The following ITIH6 variants were observed in gnomAD, a reference collection of about 807,000 sequenced individuals.
The protein encoded by ITIH6 is inter-alpha-trypsin inhibitor heavy chain H6.
Under a neutral mutation model 58.2 loss-of-function variants are expected in ITIH6, and 60 were observed. The observed-to-expected ratio is 1.03, with a 90% CI of 0.84 to 1.28. The LOEUF (loss-of-function observed/expected upper bound fraction) is 1.28. Among genes scored for constraint, ITIH6 ranks in the 50% most tolerant of loss-of-function variants. The pLI, the probability that ITIH6 is intolerant of heterozygous loss-of-function variation, is 0.00. For synonymous variants in ITIH6, 493 were observed against 417.4 expected (o/e 1.18, Z -2.21); for missense variants, 1,290 against 1,021.1 (o/e 1.26, Z -3.59).
intron 11 of ITIH6, among the ~76,000 whole-genome samples, chrX:54,752,630 T>C (rs978042018): frequency 1.2e-4 from 13 of 112,059 alleles, no homozygotes; most frequent in African/African-American, 3.9e-4. Context: ...ACAATTCTGA[T>C]GGAAAAATTA....
At chrX:54,779,654 A>G (rs1929114243) in intron 5 of ITIH6, among the ~76,000 whole-genome samples, 1 of 111,537 alleles carries the variant, frequency 9.0e-6, no homozygotes, top group Non-Finnish European at 1.9e-5. Context: ...AAAGTAGGAA[A>G]ACCAATAACA....
chrX:54,768,004 C>G (rs1370403247), intron 6 of ITIH6, among the ~76,000 whole-genome samples: 8 of 101,160 alleles, frequency 7.9e-5, no homozygotes, highest in Admixed American at 7.3e-4. Flanking sequence ...TAAAATCTCC[C>G]ATTATTAATG....
Position 54,758,133 on chromosome X carries a change from T to A in ITIH6, c.1941A>T (p.Thr647=). ...CCTTGGGCACCAAGGCTGGCTGAGCTGTGCTTACCCCTAGGCCATGCCTGC... is the reference window on the plus strand; with the variant it reads ...CCTTGGGCACCAAGGCTGGCTGAGCAGTGCTTACCCCTAGGCCATGCCTGC... ...SSSRHGLGVS[T]AQPALVPKVI... The change falls in exon 8 of 13, where the codon ACA becomes ACT. Residue 647 remains threonine (T), a synonymous_variant. Transcript: ENST00000218436. 2.5e-6 allele frequency: 3 copies of A among 1,211,839 alleles called. No individual in the cohort carries two copies. The highest frequency in any genetic ancestry group is 3.4e-6 in the Non-Finnish European group (3 of 895,483).
At chrX:54,771,791 C>A (rs1014782808) in intron 6 of ITIH6, among the ~76,000 whole-genome samples, 7 of 111,391 alleles carry the variant, frequency 6.3e-5, no homozygotes, top group African/African-American at 2.0e-4. Context: ...CAATGAGATA[C>A]CATCTTACAC....
intron 6 of ITIH6, among the ~76,000 whole-genome samples, chrX:54,765,779 G>C (rs1349722084): frequency 2.7e-5 from 3 of 109,416 alleles, no homozygotes; most frequent in Admixed American, 1.9e-4. Flanking sequence ...GTACCATGCT[G>C]TTTTGGTTAC....
chrX:54,756,135 A>G (rs950068676), intron 8 of ITIH6, among the ~76,000 whole-genome samples: 3 of 111,296 alleles, frequency 2.7e-5, no homozygotes, highest in Non-Finnish European at 5.7e-5. Flanking sequence ...GGGGTGTCTG[A>G]GGAGAGAGGC....
At chrX:54,769,344 G>A (rs1235848376) in intron 6 of ITIH6, among the ~76,000 whole-genome samples, 1 of 85,718 alleles carries the variant, frequency 1.2e-5, no homozygotes, top group Non-Finnish European at 2.2e-5. Context: ...GTAGCTCAGA[G>A]TAATTTGATC....
intron 6 of ITIH6, among the ~76,000 whole-genome samples, chrX:54,768,050 A>G (rs1486225493): frequency 4.0e-5 from 4 of 100,677 alleles, no homozygotes; most frequent in Non-Finnish European, 7.7e-5. Context: ...GTCACTCAGG[A>G]CATGCTTTAT....
Position 54,770,233 on chromosome X carries a change from C to T in ITIH6, c.903+3848G>A, listed in dbSNP as rs762388867. Among the ~76,000 whole-genome samples, 120 of 112,788 alleles carry T rather than the reference C, an allele frequency of 1.1e-3. No homozygotes were observed. In the East Asian group the frequency reaches 0.017, roughly 16 times the overall value. ...GGTGAGGCAATGCCTCGCCCTGCTT[C>T]GGCTCGCGCATGGTGCGCGCACCCA... On this transcript the variant is annotated intron_variant, in intron 6 of 12. Transcript: ENST00000218436.
chrX:54,749,944 G>C lies in ITIH6; in HGVS notation c.3893C>G (p.Ser1298Cys), dbSNP rs375724514. ...RWASCWLVKRSHVELLLGHPY... is the reference protein window; with the variant it reads ...RWASCWLVKRCHVELLLGHPY... ...GTGGCCCAGAAGCAGCTCTACATGA[G>C]AGCGCTTCACCAGCCAGCAGGAAGC... Residue 1298 changes from serine to cysteine, a missense_variant, in exon 13 of 13, where the codon TCT becomes TGT. By Grantham distance (112) the Ser-to-Cys change is moderately radical. Transcript: ENST00000218436. 7 of 1,209,689 alleles carry C rather than the reference G, an allele frequency of 5.8e-6. No homozygotes were observed. The highest frequency in any genetic ancestry group is 5.9e-5 in the East Asian group (2 of 33,729).
At chrX:54,768,109 C>G (rs1355052385) in intron 6 of ITIH6, among the ~76,000 whole-genome samples, 1 of 85,660 alleles carries the variant, frequency 1.2e-5, no homozygotes, top group African/African-American at 5.2e-5. Flanking sequence ...GGATAGTTAG[C>G]TCCTCTTGTT....
At position 54,757,373 on chromosome X, in the gene ITIH6, G is replaced by A; in HGVS notation, c.2701C>T (p.Leu901=). Reference sequence around the variant, plus strand: ...GAGATTGTATTTGGGAATGTGCTTAGGCTCTCAGGAAGTGGGGGCCTTGGT... The same window carrying A: ...GAGATTGTATTTGGGAATGTGCTTAAGCTCTCAGGAAGTGGGGGCCTTGGT... ...DRPRPPLPES[L]STFPNTISSS... Residue 901 remains leucine (L), a synonymous_variant, in exon 8 of 13, where the codon CTA becomes TTA. Coordinates refer to ENST00000218436, the MANE Select transcript of ITIH6 (RefSeq NM_198510.3). 1 of 1,210,009 alleles carries A rather than the reference G, an allele frequency of 8.3e-7. No homozygotes were observed. Among genetic ancestry groups the A allele is most frequent in the Non-Finnish European group, 1.1e-6 (1 of 894,653 alleles).
At chrX:54,752,886 C>G (rs1263983661) in intron 11 of ITIH6, among the ~76,000 whole-genome samples, 3 of 112,481 alleles carry the variant, frequency 2.7e-5, no homozygotes, top group Non-Finnish European at 5.6e-5. Context: ...GCAGACTTGT[C>G]AAGAGCAAAG....
chrX:54,784,000 T>C (rs1319681968), intron 5 of ITIH6, among the ~76,000 whole-genome samples: 4 of 111,170 alleles, frequency 3.6e-5, no homozygotes. Context: ...CATAGACCGA[T>C]GGAAAGGAAT....
chrX:54,752,231 A>G (rs1172219333), intron 11 of ITIH6, among the ~76,000 whole-genome samples: 1 of 112,121 alleles, frequency 8.9e-6, no homozygotes, highest in East Asian at 2.8e-4. Flanking sequence ...CTAATTTGTT[A>G]CAACACGGAT....
chrX:54,756,887 C>A, intron 8 of ITIH6, 78 bp downstream of exon 8: 1 of 613,609 alleles, frequency 1.6e-6, no homozygotes, highest in South Asian at 3.3e-5. Context: ...TCTGCATAAG[C>A]CTTGTAGATT....
At position 54,797,089 on chromosome X, in the gene ITIH6, A is replaced by G. The variant is rs762349921; in HGVS notation, c.110T>C (p.Met37Thr). The stretch of plus-strand genomic sequence containing the variant: ...CGTGGAGCGCATAGAATAGCTTGTC[A>G]TTAACAACTGAGAGAGAAGACAGGA... ...VPASSSTKLL[M>T]TSYSMRSTVV... The change falls in exon 2 of 13, where the codon ATG becomes ACG. Residue 37 changes from methionine to threonine, a missense_variant. By Grantham distance (81) the Met-to-Thr change is moderately conservative. Coordinates refer to ENST00000218436, the MANE Select transcript of ITIH6 (RefSeq NM_198510.3). The G allele has an allele frequency of 7.5e-6, 9 of 1,207,273 alleles. No individual in the cohort carries two copies. The East Asian group carries it at 1.8e-4, about 24-fold the overall frequency.
At chrX:54,756,453 G>A (rs771215640) in intron 8 of ITIH6, among the ~76,000 whole-genome samples, 1 of 112,070 alleles carries the variant, frequency 8.9e-6, no homozygotes, top group South Asian at 3.8e-4. Flanking sequence ...AGTATGTAGA[G>A]CAGTACTTGT....
In ITIH6 at chrX:54,749,766, G is replaced by A. The variant is rs1928312734; in HGVS notation, c.*129C>T. On this transcript the variant is annotated 3_prime_UTR_variant, in exon 13 of 13. Transcript: ENST00000218436. ...TATACCCTTGTATATGTGTTCCTTA[G>A]AACATGCGTGAGTCTGTGTGTCCCT... is the stretch of plus-strand genomic sequence containing the variant. 1 of 495,597 alleles carries A rather than the reference G, an allele frequency of 2.0e-6. No homozygotes were observed. The highest frequency in any genetic ancestry group is 3.7e-5 in the East Asian group (1 of 27,203). 40.8% of individuals were successfully genotyped at this position (495,597 alleles called of 1,213,427 possible).
Sources: allele counts gnomAD v4.1 joint callset (sites outside exome capture counted in the v4.1 genomes callset), GRCh38; gene constraint gnomAD v4.1.1; transcripts MANE v1.5; gene names NCBI Gene and HGNC (gene_info 2026-07-23, HGNC 2026-07-21).